The following CSNK1G1 variants were observed in gnomAD, a reference collection of about 807,000 sequenced individuals.
CSNK1G1 encodes casein kinase 1 gamma 1.
CSNK1G1 carries 22 observed loss-of-function variants against 59.6 expected under a neutral mutation model. That is an observed-to-expected ratio of 0.37 (90% CI 0.26 to 0.53). The LOEUF (loss-of-function observed/expected upper bound fraction) is 0.53, where lower values mean the gene tolerates loss of function less well. CSNK1G1 is among the 20% of genes least tolerant of loss of function. The pLI is 0.89. For synonymous variants in CSNK1G1, 179 were observed against 177.1 expected, an observed-to-expected ratio of 1.01 and a Z score of -0.08; for missense variants, 384 against 519.5, an observed-to-expected ratio of 0.74 and a Z score of 2.54.
At chr15:64,290,978 T>C (rs1286948047) in intron 2 of CSNK1G1, among the ~76,000 whole-genome samples, 2 of 152,166 alleles carry the variant, frequency 1.3e-5, no homozygotes, top group African/African-American at 2.4e-5. Flanking sequence ...CCTCCCAAAG[T>C]GCTGAGATTA....
chr15:64,318,296 A>G (rs1896379472), intron 1 of CSNK1G1, among the ~76,000 whole-genome samples: 1 of 152,072 alleles, frequency 6.6e-6, no homozygotes, highest in South Asian at 2.1e-4. Flanking sequence ...TTCTAACAAC[A>G]GTGTATGCTC....
intron 1 of CSNK1G1, among the ~76,000 whole-genome samples, chr15:64,316,556 A>G (rs980609520): frequency 7.0e-6 from 1 of 142,934 alleles, no homozygotes; most frequent in Admixed American, 7.0e-5. Flanking sequence ...AAAAAAAAAA[A>G]GAAAAGAAAA....
chr15:64,329,942 C>T (rs888224605), intron 1 of CSNK1G1, among the ~76,000 whole-genome samples: 1 of 150,436 alleles, frequency 6.6e-6, no homozygotes, highest in Admixed American at 6.7e-5. Flanking sequence ...GGATACATTC[C>T]TCGACACATA....
chr15:64,202,132 T>A (rs2140245657), intron 10 of CSNK1G1, among the ~76,000 whole-genome samples: 1 of 152,254 alleles, frequency 6.6e-6, no homozygotes, highest in South Asian at 2.1e-4. Context: ...CAACGAACAA[T>A]GAAGGACAGA....
intron 2 of CSNK1G1, among the ~76,000 whole-genome samples, chr15:64,279,748 C>T (rs1050128421): frequency 1.3e-5 from 2 of 151,940 alleles, no homozygotes; most frequent in Admixed American, 6.6e-5. Flanking sequence ...CCGAGGTGGG[C>T]GGATCACAAG....
chr15:64,205,734 T>C (rs1035062199), intron 7 of CSNK1G1, among the ~76,000 whole-genome samples: 7 of 152,210 alleles, frequency 4.6e-5, no homozygotes, highest in Non-Finnish European at 8.8e-5. Context: ...AATACACTAA[T>C]GCATTGTGTG....
At chr15:64,344,207 T>C (rs181826379) in intron 1 of CSNK1G1, among the ~76,000 whole-genome samples, 3 of 152,308 alleles carry the variant, frequency 2.0e-5, no homozygotes, top group East Asian at 1.9e-4. Context: ...AAAGCGCACA[T>C]ATTTAAAGAT....
chr15:64,229,023 A>AG (rs1246664808), intron 4 of CSNK1G1, among the ~76,000 whole-genome samples: 40 of 151,454 alleles, frequency 2.6e-4, no homozygotes, highest in Admixed American at 4.6e-4. Context: ...TGTCTCAAAA[A>AG]AAAAAAAAAA....
At chr15:64,229,296 G>C (rs955166518) in intron 4 of CSNK1G1, among the ~76,000 whole-genome samples, 1 of 152,088 alleles carries the variant, frequency 6.6e-6, no homozygotes, top group African/African-American at 2.4e-5. Context: ...TATTCTTACA[G>C]TGGAAAGTAC....
intron 10 of CSNK1G1, among the ~76,000 whole-genome samples, chr15:64,186,110 CTTTT>C (rs1567360985): frequency 6.6e-6 from 1 of 151,790 alleles, no homozygotes; most frequent in Non-Finnish European, 1.5e-5. Flanking sequence ...ATATTCCTTT[CTTTT>C]TATTTTTTTT....
intron 4 of CSNK1G1, among the ~76,000 whole-genome samples, chr15:64,239,075 C>G (rs1316795724): frequency 6.6e-6 from 1 of 152,166 alleles, no homozygotes; most frequent in Non-Finnish European, 1.5e-5. Flanking sequence ...GGCTGTATCA[C>G]TAAACCTACC....
At chr15:64,348,690 C>T (rs1017231067) in intron 1 of CSNK1G1, among the ~76,000 whole-genome samples, 2 of 151,986 alleles carry the variant, frequency 1.3e-5, no homozygotes, top group Admixed American at 6.6e-5. Context: ...AGCTGGGAAG[C>T]GGCTTGATCA....
intron 4 of CSNK1G1, among the ~76,000 whole-genome samples, chr15:64,225,688 G>T (rs541796683): frequency 6.6e-6 from 1 of 152,126 alleles, no homozygotes; most frequent in African/African-American, 2.4e-5. Flanking sequence ...GTGCAATGGC[G>T]TGATCTCGGC....
chr15:64,267,256 C>CAAAAAAAA (rs199581105), intron 2 of CSNK1G1, among the ~76,000 whole-genome samples: 2 of 61,802 alleles, frequency 3.2e-5, no homozygotes, highest in South Asian at 5.9e-4. Flanking sequence ...GACCTTATCT[C>CAAAAAAAA]AAAAAAAAAA....
chr15:64,189,398 G>T, intron 10 of CSNK1G1: 1 of 1,276,106 alleles, frequency 7.8e-7, no homozygotes, highest in Non-Finnish European at 1.0e-6. Context: ...TTGTCCAGAA[G>T]AATCTGTTTA....
At chr15:64,305,792 T>C (rs1475487418) in intron 1 of CSNK1G1, among the ~76,000 whole-genome samples, 1 of 74,842 alleles carries the variant, frequency 1.3e-5, no homozygotes, top group African/African-American at 4.9e-5. Flanking sequence ...AAAACACAAA[T>C]AAATCAATGG....
chr15:64,335,441 C>A (rs935349893), intron 1 of CSNK1G1, among the ~76,000 whole-genome samples: 5 of 152,122 alleles, frequency 3.3e-5, no homozygotes, highest in Non-Finnish European at 5.9e-5. Flanking sequence ...GCTTTAATAA[C>A]TGCACTTTGG....
At chr15:64,337,236 C>T (rs1897434974) in intron 1 of CSNK1G1, among the ~76,000 whole-genome samples, 6 of 151,782 alleles carry the variant, frequency 4.0e-5, no homozygotes, top group Admixed American at 2.6e-4. Context: ...TCAAACAAAA[C>T]AAAACAAAAA....
chr15:64,271,936 G>A (rs1893331064), intron 2 of CSNK1G1, among the ~76,000 whole-genome samples: 2 of 152,162 alleles, frequency 1.3e-5, no homozygotes, highest in African/African-American at 4.8e-5. Flanking sequence ...GGGTGCTCCT[G>A]TGTCGGGTGC....
Sources: allele counts gnomAD v4.1 joint callset (sites outside exome capture counted in the v4.1 genomes callset), GRCh38; gene constraint gnomAD v4.1.1; transcripts MANE v1.5; gene names NCBI Gene and HGNC (gene_info 2026-07-23, HGNC 2026-07-21).